The following ICA1 variants were observed in gnomAD, a reference collection of about 807,000 sequenced individuals.
ICA1 encodes islet cell autoantigen 1, also known as 69 kDa islet cell autoantigen.
Under a neutral mutation model 71.0 loss-of-function variants are expected in ICA1, and 40 were observed. The observed-to-expected ratio is 0.56, with a 90% confidence interval of 0.44 to 0.73. ICA1 has a LOEUF of 0.73. ICA1 is among the 30% of genes least tolerant of loss of function. The pLI, the probability that ICA1 is intolerant of heterozygous loss-of-function variation, is 0.00. For synonymous variants in ICA1, 207 were observed against 209.5 expected, an observed-to-expected ratio of 0.99 and a Z score of 0.10; for missense variants, 578 against 576.5, an observed-to-expected ratio of 1.00 and a Z score of -0.03.
At chr7:8,122,562 G>A (rs1787411108) in intron 13 of ICA1, among the ~76,000 whole-genome samples, 1 of 152,266 alleles carries the variant, frequency 6.6e-6, no homozygotes, top group South Asian at 2.1e-4. Context: ...GAGAGTGCCT[G>A]CTCTGCATTC....
intron 6 of ICA1, among the ~76,000 whole-genome samples, chr7:8,217,961 T>C (rs1795905867): frequency 6.6e-6 from 1 of 152,240 alleles, no homozygotes; most frequent in African/African-American, 2.4e-5. Flanking sequence ...CCCAGTAGTC[T>C]GTTCTAACCT....
At chr7:8,142,805 C>G (rs1795666236) in intron 9 of ICA1, among the ~76,000 whole-genome samples, 2 of 152,168 alleles carry the variant, frequency 1.3e-5, no homozygotes. Context: ...TTACCATCAC[C>G]AGGAATGGGT....
chr7:8,122,904 T>C (rs1162805591), intron 13 of ICA1, among the ~76,000 whole-genome samples: 1 of 152,238 alleles, frequency 6.6e-6, no homozygotes, highest in African/African-American at 2.4e-5. Flanking sequence ...GAGCAGCTGG[T>C]AATCTTTCTA....
At chr7:8,164,219 G>A (rs1167132459) in intron 6 of ICA1, among the ~76,000 whole-genome samples, 1 of 145,720 alleles carries the variant, frequency 6.9e-6, no homozygotes, top group South Asian at 2.2e-4. Flanking sequence ...CAGGAGAATC[G>A]CTAGAACTTG....
intron 6 of ICA1, among the ~76,000 whole-genome samples, chr7:8,165,767 T>A (rs1805701525): frequency 6.6e-6 from 1 of 152,094 alleles, no homozygotes; most frequent in Non-Finnish European, 1.5e-5. Flanking sequence ...GCAATCCCAT[T>A]CACAATAGCC....
chr7:8,117,500 A>G (rs1364554918), intron 13 of ICA1, among the ~76,000 whole-genome samples: 1 of 152,190 alleles, frequency 6.6e-6, no homozygotes, highest in East Asian at 1.9e-4. Flanking sequence ...TTCATTGTAT[A>G]TATGCAAGTC....
At chr7:8,126,523 G>A (rs187513874) in intron 13 of ICA1, among the ~76,000 whole-genome samples, 61 of 151,820 alleles carry the variant, frequency 4.0e-4, no homozygotes, top group African/African-American at 1.5e-3. Flanking sequence ...GATAAAAGGA[G>A]TCATGTATTT....
At chr7:8,230,027 A>T (rs1481372201) in intron 3 of ICA1, among the ~76,000 whole-genome samples, 3 of 152,228 alleles carry the variant, frequency 2.0e-5, no homozygotes, top group Non-Finnish European at 4.4e-5. Context: ...ACAGCTCTGG[A>T]GTGTTCAGTT....
rs76264219 is a variant in ICA1, at chr7:8,141,464, G to A, written c.955+301C>T. On this transcript the variant is annotated intron_variant, in intron 10 of 13. Transcript: ENST00000402384. Reference sequence around the variant, plus strand: ...GGTCACAGCAGAAATCTTATAATCCGCTGTGAAAAGAAACAGCGATTTGCC... The same window carrying A: ...GGTCACAGCAGAAATCTTATAATCCACTGTGAAAAGAAACAGCGATTTGCC... 4.5e-3 allele frequency among the ~76,000 whole-genome samples: 678 copies of A among 152,294 alleles called. 3 individuals carry two copies. The highest frequency in any genetic ancestry group is 0.015 in the African/African-American group (642 of 41,550).
chr7:8,145,950 A>T (rs1171867649), intron 8 of ICA1, among the ~76,000 whole-genome samples: 1 of 152,112 alleles, frequency 6.6e-6, no homozygotes, highest in African/African-American at 2.4e-5. Context: ...CTAAAGTGGA[A>T]CCCAGGTCTT....
intron 6 of ICA1, among the ~76,000 whole-genome samples, chr7:8,211,159 C>A (rs929800656): frequency 6.6e-6 from 1 of 152,226 alleles, no homozygotes; most frequent in African/African-American, 2.4e-5. Flanking sequence ...AGGCCAACCT[C>A]CCAGAGAACC....
At position 8,226,730 on chromosome 7, in the gene ICA1, C is replaced by A. The variant is rs1798707714; in HGVS notation, c.256+1871G>T. On this transcript the variant is annotated intron_variant, in intron 4 of 13. Transcript: ENST00000402384. This position sits in a 1 kb window ranked among gnomAD's most constrained non-coding sequence, Gnocchi z 4.4. ...AGCTTAGCGGGTAGACATAAAAGGG[C>A]TTATCTACCATCCACAGCCAGCTCT... Among the ~76,000 whole-genome samples, 1 of 152,202 alleles carries A rather than the reference C, an allele frequency of 6.6e-6. No individual in the cohort carries two copies. The highest frequency in any genetic ancestry group is 2.4e-5 in the African/African-American group (1 of 41,450).
intron 1 of ICA1, among the ~76,000 whole-genome samples, chr7:8,245,863 GAT>G (rs1805805867): frequency 6.6e-6 from 1 of 152,202 alleles, no homozygotes; most frequent in Non-Finnish European, 1.5e-5. Context: ...AGTAAAGACA[GAT>G]ATATAATTTC....
At chr7:8,232,805 G>C in intron 2 of ICA1, 50 bp from the exon 3 acceptor site, 1 of 1,416,448 alleles carries the variant, frequency 7.1e-7, no homozygotes, top group Non-Finnish European at 9.4e-7. Context: ...TAAAGATTAA[G>C]ATATTTTAGT....
intron 6 of ICA1, among the ~76,000 whole-genome samples, chr7:8,185,065 CTA>C (rs560108037): frequency 1.4e-5 from 2 of 147,312 alleles, no homozygotes; most frequent in Non-Finnish European, 3.0e-5. Flanking sequence ...CAGAGTGAGA[CTA>C]TGTCTCAAAA....
At chr7:8,137,139 T>G (rs1171754838) in intron 12 of ICA1, among the ~76,000 whole-genome samples, 1 of 150,976 alleles carries the variant, frequency 6.6e-6, no homozygotes, top group Admixed American at 6.6e-5. Context: ...CACTGGGGGA[T>G]GGAAGTATTA....
Position 8,226,232 on chromosome 7 carries a change from C to G in ICA1, c.256+2369G>C, listed in dbSNP as rs1583468922. 6.6e-6 allele frequency among the ~76,000 whole-genome samples: 1 copy of G among 152,090 alleles called. No homozygotes were observed. Among genetic ancestry groups the G allele is most frequent in the South Asian group, 2.1e-4 (1 of 4,802 alleles). On this transcript the variant is annotated intron_variant, in intron 4 of 13. Coordinates refer to ENST00000402384, the MANE Select transcript of ICA1 (RefSeq NM_001136020.3). The surrounding 1 kb of genome is among the most constrained non-coding windows in gnomAD (Gnocchi z 4.4). ...CACCTTTGCTCCTCCATTCTCATTCCCTCCTCTCCAACCCTTCCCCACTCC... is the reference window on the plus strand; with the variant it reads ...CACCTTTGCTCCTCCATTCTCATTCGCTCCTCTCCAACCCTTCCCCACTCC...
intron 12 of ICA1, among the ~76,000 whole-genome samples, chr7:8,138,436 T>C (rs1794130909): frequency 6.6e-6 from 1 of 152,226 alleles, no homozygotes; most frequent in Non-Finnish European, 1.5e-5. Flanking sequence ...ACCAAGGCCG[T>C]TGCTATTGTT....
chr7:8,164,621 C>A (rs1363256772), intron 6 of ICA1, among the ~76,000 whole-genome samples: 1 of 152,210 alleles, frequency 6.6e-6, no homozygotes, highest in Non-Finnish European at 1.5e-5. Context: ...CTCTAATACT[C>A]CTCCGTCATT....
Sources: gnomAD v4.1 joint callset for allele counts (sites outside exome capture counted in the v4.1 genomes callset) on GRCh38, gnomAD v4.1.1 for gene constraint, Gnocchi (gnomAD v3.1) non-coding constraint, MANE v1.5 for transcripts, NCBI Gene and HGNC (gene_info 2026-07-23, HGNC 2026-07-21) for gene names.